Variants in APCDD1L observed in about 807,000 individuals in gnomAD.
APCDD1L encodes the protein protein APCDD1-like.
APCDD1L carries 21 observed loss-of-function variants against 24.2 expected under a neutral mutation model. The ratio of observed to expected loss-of-function variants is 0.87; its 90% confidence interval spans 0.61 to 1.25. APCDD1L has a LOEUF of 1.25. Among genes scored for constraint, APCDD1L ranks in the 50% most tolerant of loss-of-function variants. The probability of loss-of-function intolerance (pLI) is 0.00; values close to 1 mark genes in which losing one functional copy is unlikely to be tolerated. For synonymous variants in APCDD1L, 321 were observed against 323.6 expected (o/e 0.99, Z 0.09); for missense variants, 704 against 711.7 (o/e 0.99, Z 0.12).
chr20:58,501,779 G>A (rs1255701629), intron 1 of APCDD1L, among the ~76,000 whole-genome samples: 1 of 152,182 alleles, frequency 6.6e-6, no homozygotes, highest in Non-Finnish European at 1.5e-5. Context: ...CAACCAGAGA[G>A]CCTTTTTGAG....
chr20:58,473,293 C>G (rs1433487732), intron 1 of APCDD1L, among the ~76,000 whole-genome samples: 1 of 152,060 alleles, frequency 6.6e-6, no homozygotes, highest in Non-Finnish European at 1.5e-5. Context: ...GCCCTTTTGT[C>G]ATGAATCCTC....
At position 58,514,996 on chromosome 20, in the gene APCDD1L, C is replaced by T. The variant is rs1248515524; in HGVS notation, c.-289G>A. Reference sequence around the variant, plus strand: ...CAGCGCGCACAGCCCCCTGGTGCAGCTCCTGCCATTCAGACCCCCAGCCCT... The same window carrying T: ...CAGCGCGCACAGCCCCCTGGTGCAGTTCCTGCCATTCAGACCCCCAGCCCT... On this transcript the variant is annotated 5_prime_UTR_variant, in exon 1 of 4. Coordinates refer to ENST00000371149, the MANE Select transcript of APCDD1L (RefSeq NM_153360.3). 10 of 322,248 alleles carry T rather than the reference C, an allele frequency of 3.1e-5. No homozygotes were observed. The highest frequency in any genetic ancestry group is 5.6e-6 in the Non-Finnish European group (1 of 177,950). 20.0% of individuals were successfully genotyped at this position (322,248 alleles called of 1,614,324 possible). A position where few individuals can be genotyped will look rare whatever the true frequency, so the allele number is the denominator to read the frequency against.
Position 58,467,857 on chromosome 20 carries a change from G to C in APCDD1L, c.189-199C>G, listed in dbSNP as rs114668772. On this transcript the variant is annotated intron_variant, in intron 2 of 3. Coordinates refer to ENST00000371149, the MANE Select transcript of APCDD1L (RefSeq NM_153360.3). This position sits in a 1 kb window ranked among gnomAD's most constrained non-coding sequence, Gnocchi z 5.9. ...GCTGGGGCTTTGCACTGGATGCCTC[G>C]TGGCCTCGACACAAGCCTTCTAGTT... Among the ~76,000 whole-genome samples the C allele has an allele frequency of 0.018, 2,692 of 152,204 alleles. 84 individuals are homozygous for C. Among genetic ancestry groups the C allele is most frequent in the African/African-American group, 0.062 (2,589 of 41,532 alleles).
intron 1 of APCDD1L, among the ~76,000 whole-genome samples, chr20:58,504,984 G>A (rs1331859365): frequency 6.6e-6 from 1 of 152,142 alleles, no homozygotes. Flanking sequence ...TTACAAAACT[G>A]TGAAGCTGTA....
chr20:58,476,715 C>T (rs1989917153), intron 1 of APCDD1L, among the ~76,000 whole-genome samples: 1 of 152,218 alleles, frequency 6.6e-6, no homozygotes, highest in Non-Finnish European at 1.5e-5. Flanking sequence ...AATATCCAAG[C>T]TTTCTTGTGT....
At chr20:58,509,953 T>C (rs150123675) in intron 1 of APCDD1L, among the ~76,000 whole-genome samples, 4 of 152,292 alleles carry the variant, frequency 2.6e-5, no homozygotes, top group Non-Finnish European at 4.4e-5. Flanking sequence ...CCTGACCTTG[T>C]CCACTCTCCA....
chr20:58,462,500 T>C (rs141296417), intron 3 of APCDD1L, among the ~76,000 whole-genome samples: 47 of 152,326 alleles, frequency 3.1e-4, no homozygotes, highest in African/African-American at 1.0e-3. Flanking sequence ...CATCATTTGC[T>C]CTACCTACCC....
At chr20:58,483,917 C>T (rs1990072208) in intron 1 of APCDD1L, among the ~76,000 whole-genome samples, 1 of 152,098 alleles carries the variant, frequency 6.6e-6, no homozygotes, top group African/African-American at 2.4e-5. Context: ...GCAGAGTCCC[C>T]AGGGAAGTGG....
chr20:58,470,268 T>C (rs1342178718), intron 2 of APCDD1L, among the ~76,000 whole-genome samples: 2 of 152,272 alleles, frequency 1.3e-5, no homozygotes, highest in African/African-American at 4.8e-5. Flanking sequence ...ATTTCCTTCA[T>C]TGAAGAACTT....
chr20:58,467,681 G>T lies in APCDD1L; in HGVS notation c.189-23C>A. On this transcript the variant is annotated intron_variant, in intron 2 of 3. Transcript: ENST00000371149. The surrounding 1 kb of genome is among the most constrained non-coding windows in gnomAD (Gnocchi z 5.9). ...CAGCTGCAGGGGTGGAAGGAGATGG[G>T]CTGGGTGCAGAGGGAACACCGCGCC... 2 of 1,469,914 alleles carry T rather than the reference G, an allele frequency of 1.4e-6. No homozygotes were observed. Among genetic ancestry groups the T allele is most frequent in the Non-Finnish European group, 9.0e-7 (1 of 1,108,344 alleles). The allele number at this position is 1,469,914 out of a possible 1,614,324, so 91.1% of individuals were successfully genotyped here.
chr20:58,506,049 G>T (rs1467989343), intron 1 of APCDD1L, among the ~76,000 whole-genome samples: 3 of 152,238 alleles, frequency 2.0e-5, no homozygotes, highest in Middle Eastern at 3.4e-3. Flanking sequence ...GATGTCTGTT[G>T]TTCCAAGCCC....
chr20:58,461,402 G>A lies in APCDD1L; in HGVS notation c.894C>T (p.Leu298=), dbSNP rs1019232426. The change falls in exon 4 of 4, where the codon CTC becomes CTT. Residue 298 remains leucine (L), a synonymous_variant. Coordinates refer to ENST00000371149, the MANE Select transcript of APCDD1L (RefSeq NM_153360.3). The surrounding 1 kb of genome is among the most constrained non-coding windows in gnomAD (Gnocchi z 6.0). The part of the protein sequence containing the change: ...GCEVRPAVLF[L]TRLFTFHGHS... ...GCCCGTGGAAAGTGAAGAGCCGGGTGAGGAACAGGACTGCTGGGCGCACCT... is the reference window on the plus strand; with the variant it reads ...GCCCGTGGAAAGTGAAGAGCCGGGTAAGGAACAGGACTGCTGGGCGCACCT... 6.4e-7 allele frequency: 1 copy of A among 1,553,016 alleles called. No homozygotes were observed.
intron 1 of APCDD1L, among the ~76,000 whole-genome samples, chr20:58,512,585 T>C (rs1055469102): frequency 6.6e-6 from 1 of 152,080 alleles, no homozygotes; most frequent in Non-Finnish European, 1.5e-5. Flanking sequence ...TCAATCTGAA[T>C]TCTCTTGGTG....
At chr20:58,482,033 G>A (rs1990034606) in intron 1 of APCDD1L, among the ~76,000 whole-genome samples, 1 of 152,174 alleles carries the variant, frequency 6.6e-6, no homozygotes, top group African/African-American at 2.4e-5. Context: ...GGCTCCATGG[G>A]CCTCTCCCCA....
Position 58,487,024 on chromosome 20 carries a change from G to A in APCDD1L, c.50-16277C>T, listed in dbSNP as rs544350951. ...TTACAGGCACACACTACCACGCCTG[G>A]CTAATTTTTGTATTTTCAGTAGAGA... On this transcript the variant is annotated intron_variant, in intron 1 of 3. Coordinates refer to ENST00000371149, the MANE Select transcript of APCDD1L (RefSeq NM_153360.3). Among the ~76,000 whole-genome samples the A allele has an allele frequency of 2.5e-3, 375 of 152,108 alleles. 3 individuals carry two copies. The highest frequency in any genetic ancestry group is 8.7e-3 in the African/African-American group (363 of 41,488).
chr20:58,486,499 C>A (rs1458679324), intron 1 of APCDD1L, among the ~76,000 whole-genome samples: 3 of 152,102 alleles, frequency 2.0e-5, no homozygotes, highest in Non-Finnish European at 4.4e-5. Flanking sequence ...TAACTAATGT[C>A]TTCCATAAAG....
At chr20:58,491,214 T>A (rs1426716516) in intron 1 of APCDD1L, among the ~76,000 whole-genome samples, 1 of 152,198 alleles carries the variant, frequency 6.6e-6, no homozygotes, top group Non-Finnish European at 1.5e-5. Context: ...CAAACATGCC[T>A]CCATCACAAT....
chr20:58,473,491 G>A (rs1023291373), intron 1 of APCDD1L, among the ~76,000 whole-genome samples: 5 of 152,174 alleles, frequency 3.3e-5, no homozygotes, highest in South Asian at 4.1e-4. Context: ...TTGGTCATGC[G>A]TGAAGTCTCA....
At chr20:58,483,488 A>G (rs1990063902) in intron 1 of APCDD1L, among the ~76,000 whole-genome samples, 2 of 152,236 alleles carry the variant, frequency 1.3e-5, no homozygotes, top group African/African-American at 2.4e-5. Flanking sequence ...ACTCAATTCA[A>G]TAACTGACAC....
Sources: gnomAD v4.1 joint callset for allele counts (sites outside exome capture counted in the v4.1 genomes callset) on GRCh38, gnomAD v4.1.1 for gene constraint, Gnocchi (gnomAD v3.1) non-coding constraint, MANE v1.5 for transcripts, NCBI Gene and HGNC (gene_info 2026-07-23, HGNC 2026-07-21) for gene names.